Variants in CENPP observed in about 807,000 individuals in gnomAD.
CENPP encodes centromere protein P.
Under a neutral mutation model 35.6 loss-of-function variants are expected in CENPP, and 24 were observed. The ratio of observed to expected loss-of-function variants is 0.67; its 90% CI spans 0.49 to 0.95. The LOEUF (loss-of-function observed/expected upper bound fraction) is 0.95. Ranked by LOEUF, CENPP falls within the 40% of genes least tolerant of loss-of-function variation. CENPP has a pLI of 0.00. For synonymous variants in CENPP, 120 were observed against 125.5 expected, an observed-to-expected ratio of 0.96 and a Z score of 0.29; for missense variants, 332 against 345.3, an observed-to-expected ratio of 0.96 and a Z score of 0.31.
chr9:92,501,789 C>T (rs1326010703), intron 5 of CENPP, among the ~76,000 whole-genome samples: 1 of 152,200 alleles, frequency 6.6e-6, no homozygotes, highest in African/African-American at 2.4e-5. Flanking sequence ...TACTTAGGCA[C>T]ATAGTTCCAG....
intron 4 of CENPP, among the ~76,000 whole-genome samples, chr9:92,368,184 G>C (rs1841933486): frequency 6.6e-6 from 1 of 152,118 alleles, no homozygotes; most frequent in Non-Finnish European, 1.5e-5. Flanking sequence ...CATCTACATG[G>C]GTGGCTGAGA....
At chr9:92,475,855 G>A (rs1456700404) in intron 5 of CENPP, among the ~76,000 whole-genome samples, 1 of 152,038 alleles carries the variant, frequency 6.6e-6, no homozygotes, top group African/African-American at 2.4e-5. Context: ...TTGTTTTTGG[G>A]GGGCCAGGTT....
chr9:92,556,277 A>T (rs1016194841), intron 5 of CENPP, among the ~76,000 whole-genome samples: 3 of 152,118 alleles, frequency 2.0e-5, no homozygotes, highest in African/African-American at 4.8e-5. Context: ...CAATTTTTTT[A>T]AATTTATTGA....
chr9:92,338,708 C>T (rs1322740164), intron 3 of CENPP, among the ~76,000 whole-genome samples: 2 of 151,958 alleles, frequency 1.3e-5, no homozygotes, highest in Non-Finnish European at 2.9e-5. Flanking sequence ...AATTATCTCA[C>T]CTATTTTGTG....
chr9:92,605,460 A>T (rs1851051358), intron 5 of CENPP, among the ~76,000 whole-genome samples: 1 of 152,162 alleles, frequency 6.6e-6, no homozygotes, highest in South Asian at 2.1e-4. Flanking sequence ...GTGACCTCAC[A>T]GATGTTATCT....
intron 4 of CENPP, among the ~76,000 whole-genome samples, chr9:92,354,486 C>T (rs1841541100): frequency 6.6e-6 from 1 of 152,134 alleles, no homozygotes; most frequent in African/African-American, 2.4e-5. Context: ...GGGAAAGAGG[C>T]TGAGTGATGG....
At chr9:92,567,277 C>T (rs980860267) in intron 5 of CENPP, among the ~76,000 whole-genome samples, 1 of 151,008 alleles carries the variant, frequency 6.6e-6, no homozygotes, top group African/African-American at 2.4e-5. Context: ...TTTGTGATTT[C>T]ACTTTTCGTT....
intron 5 of CENPP, among the ~76,000 whole-genome samples, chr9:92,570,198 G>A (rs1037393152): frequency 6.6e-6 from 1 of 152,126 alleles, no homozygotes; most frequent in African/African-American, 2.4e-5. Context: ...CATTCAGTAT[G>A]ATATTGGCTG....
chr9:92,367,820 AT>A (rs1841922995), intron 4 of CENPP, among the ~76,000 whole-genome samples: 1 of 152,074 alleles, frequency 6.6e-6, no homozygotes, highest in South Asian at 2.1e-4. Flanking sequence ...GTTTCACCAC[AT>A]TGGACAGTCT....
chr9:92,480,466 A>G (rs1845874699), intron 5 of CENPP, among the ~76,000 whole-genome samples: 1 of 152,194 alleles, frequency 6.6e-6, no homozygotes, highest in South Asian at 2.1e-4. Context: ...TTTTAATCTC[A>G]TAGTTACTTC....
chr9:92,480,920 C>T (rs531687712), intron 5 of CENPP, among the ~76,000 whole-genome samples: 2 of 152,248 alleles, frequency 1.3e-5, no homozygotes, highest in South Asian at 2.1e-4. Context: ...ATTCACAGTA[C>T]CATTTGTTCA....
intron 5 of CENPP, among the ~76,000 whole-genome samples, chr9:92,471,378 G>A (rs1332853329): frequency 6.6e-6 from 1 of 151,666 alleles, no homozygotes; most frequent in Admixed American, 6.6e-5. Flanking sequence ...TGTATTTTTA[G>A]TAGAGACGAG....
At chr9:92,393,217 C>A in intron 5 of CENPP, 1 of 1,604,852 alleles carries the variant, frequency 6.2e-7, no homozygotes, top group Non-Finnish European at 8.5e-7. Flanking sequence ...GCCACTTAAA[C>A]AAACACACAG....
chr9:92,455,868 G>A (rs1336323970), intron 5 of CENPP, among the ~76,000 whole-genome samples: 1 of 152,222 alleles, frequency 6.6e-6, no homozygotes, highest in East Asian at 1.9e-4. Context: ...TCAGGAGTTC[G>A]AGACTAGCCT....
At chr9:92,463,903 G>T (rs1845206820) in intron 5 of CENPP, among the ~76,000 whole-genome samples, 1 of 152,110 alleles carries the variant, frequency 6.6e-6, no homozygotes, top group African/African-American at 2.4e-5. Context: ...ATCTTTAGGT[G>T]ACCTAAGTGA....
intron 5 of CENPP, chr9:92,401,103 T>G (rs1843092757): frequency 6.9e-7 from 1 of 1,457,562 alleles, no homozygotes; most frequent in South Asian, 1.2e-5. Context: ...ATCATTTTCT[T>G]TCTTGGGAGG....
chr9:92,347,902 T>A (rs1389132655), intron 4 of CENPP, among the ~76,000 whole-genome samples: 1 of 152,132 alleles, frequency 6.6e-6, no homozygotes. Flanking sequence ...TTTAAAGCAA[T>A]TAAAAATAAG....
chr9:92,590,954 T>A (rs1850649193), intron 5 of CENPP, among the ~76,000 whole-genome samples: 1 of 152,206 alleles, frequency 6.6e-6, no homozygotes, highest in Non-Finnish European at 1.5e-5. Context: ...TAGAGAAGTA[T>A]TAAACAATTG....
chr9:92,513,517 A>G (rs1019032887), intron 5 of CENPP, among the ~76,000 whole-genome samples: 2 of 152,210 alleles, frequency 1.3e-5, no homozygotes, highest in Non-Finnish European at 2.9e-5. Flanking sequence ...GCAACTTTAT[A>G]CATAATCACC....
Sources: allele counts gnomAD v4.1 joint callset (sites outside exome capture counted in the v4.1 genomes callset), GRCh38; gene constraint gnomAD v4.1.1; transcripts MANE v1.5; gene names NCBI Gene and HGNC (gene_info 2026-07-23, HGNC 2026-07-21).